DSC3: variants seen among roughly 807,000 people sequenced by gnomAD.
The protein encoded by DSC3 is desmocollin 3, also known as desmocollin-3.
In DSC3, 97 loss-of-function variants were observed where a neutral mutation model predicts 89.5. The observed-to-expected ratio is 1.08, with a 90% confidence interval of 0.92 to 1.28. DSC3 has a LOEUF of 1.28. Among genes scored for constraint, DSC3 ranks in the 50% most tolerant of loss-of-function variants. The pLI is 0.00. For missense variants in DSC3, 1,199 were observed against 1,085.3 expected (o/e 1.10, Z -1.47); for synonymous variants, 436 against 384.1 (o/e 1.14, Z -1.58).
At chr18:31,041,787 C>CG (rs1986140296) in intron 1 of DSC3, among the ~76,000 whole-genome samples, 1 of 152,124 alleles carries the variant, frequency 6.6e-6, no homozygotes, top group Admixed American at 6.5e-5. Flanking sequence ...TCCGTAGACT[C>CG]GAAACCCCAG....
At position 30,990,841 on chromosome 18, in the gene DSC3, T is replaced by C. The variant is rs1984211661; in HGVS notation, c.*3334A>G. The C allele has an allele frequency of 6.6e-6, 1 of 152,232 alleles. No homozygotes were observed. The highest frequency in any genetic ancestry group is 2.4e-5 in the African/African-American group (1 of 41,446). The allele number at this position is 152,232 out of a possible 1,614,324, so 9.4% of individuals were successfully genotyped here. ...CAAAATTTATTATACATATGTATCA[T>C]AGATACTCATCTGTAAAGCTGTGCT... On this transcript the variant is annotated 3_prime_UTR_variant, in exon 16 of 16. Coordinates refer to ENST00000360428, the MANE Select transcript of DSC3 (RefSeq NM_001941.5).
intron 7 of DSC3, among the ~76,000 whole-genome samples, 192 bp downstream of exon 7, chr18:31,022,144 C>T (rs1412944794): frequency 6.6e-6 from 1 of 152,072 alleles, no homozygotes; most frequent in Non-Finnish European, 1.5e-5. Context: ...ATCTGCGTTT[C>T]TAGTCCTTAT....
intron 5 of DSC3, among the ~76,000 whole-genome samples, chr18:31,025,401 C>G (rs1985563273): frequency 6.6e-6 from 1 of 152,002 alleles, no homozygotes. Context: ...CAGGATTCTT[C>G]CAATCAACTG....
chr18:31,038,892 T>C (rs1467913591), intron 1 of DSC3, among the ~76,000 whole-genome samples: 1 of 152,038 alleles, frequency 6.6e-6, no homozygotes, highest in Admixed American at 6.5e-5. Context: ...AATACAACTT[T>C]TGAAAGGGAT....
intron 1 of DSC3, among the ~76,000 whole-genome samples, chr18:31,034,493 C>G (rs1343114234): frequency 6.6e-6 from 1 of 152,112 alleles, no homozygotes; most frequent in African/African-American, 2.4e-5. Flanking sequence ...AAAAGTTAAA[C>G]GTAAACCTAT....
In DSC3 at chr18:30,991,888, G is replaced by T. The variant is rs763142939; in HGVS notation, c.*2287C>A. On this transcript the variant is annotated 3_prime_UTR_variant, in exon 16 of 16. Coordinates refer to ENST00000360428, the MANE Select transcript of DSC3 (RefSeq NM_001941.5). Reference sequence around the variant, plus strand: ...ACGACTTTAAACGGAAAACAAGGCCGGGAGCGGTGGGTCATGCCTGTAATC... The same window carrying T: ...ACGACTTTAAACGGAAAACAAGGCCTGGAGCGGTGGGTCATGCCTGTAATC... The T allele has an allele frequency of 6.6e-6, 1 of 152,176 alleles. No individual in the cohort carries two copies. Among genetic ancestry groups the T allele is most frequent in the African/African-American group, 2.4e-5 (1 of 41,432 alleles). The allele number at this position is 152,176 out of a possible 1,614,324, so 9.4% of individuals were successfully genotyped here.
chr18:31,019,653 C>T (rs567743870), intron 7 of DSC3, among the ~76,000 whole-genome samples: 21 of 152,172 alleles, frequency 1.4e-4, no homozygotes, highest in African/African-American at 5.1e-4. Flanking sequence ...TTTAGCTGGG[C>T]ATGGTGGTAT....
At position 31,031,128 on chromosome 18, in the gene DSC3, T is replaced by G; in HGVS notation, c.199A>C (p.Ser67Arg). 3 of 1,613,638 alleles carry G rather than the reference T, an allele frequency of 1.9e-6. No individual in the cohort carries two copies. Among genetic ancestry groups the G allele is most frequent in the Non-Finnish European group, 2.5e-6 (3 of 1,179,888 alleles). ...CFRSADLIRS[S>R]DPDFRVLNDG... ...TTTAGAACTCTGAAATCAGGATCACTTGACCGGATGAGGTCTGCAGACCTG... is the reference window on the plus strand; with the variant it reads ...TTTAGAACTCTGAAATCAGGATCACGTGACCGGATGAGGTCTGCAGACCTG... Residue 67 changes from serine (S) to arginine (R), a missense_variant, in exon 3 of 16, where the codon AGT (serine) becomes CGT (arginine). By Grantham distance (110) the Ser-to-Arg change is moderately radical. Transcript: ENST00000360428.
chr18:31,003,826 G>C (rs1041976127), intron 13 of DSC3, among the ~76,000 whole-genome samples: 1 of 152,190 alleles, frequency 6.6e-6, no homozygotes, highest in Non-Finnish European at 1.5e-5. Context: ...TCCTAAGGCA[G>C]AAATTTTAGA....
rs762889924 is a variant in DSC3, at chr18:31,022,457, T to C, written c.821A>G (p.Asp274Gly). Reference protein sequence around the residue: ...VVCATDRDEPDTMHTRLKYSI... With the variant: ...VVCATDRDEPGTMHTRLKYSI... ...GTATTTCAGGCGCGTATGCATTGTG[T>C]CCGGTTCATCTCTGTCTGTGGCACA... Residue 274 changes from aspartate to glycine, a missense_variant, in exon 7 of 16, where the codon GAC becomes GGC. Asp to Gly is a moderately conservative substitution (Grantham distance 94, BLOSUM62 -1). Coordinates refer to ENST00000360428, the MANE Select transcript of DSC3 (RefSeq NM_001941.5). 9 of 1,614,056 alleles carry C rather than the reference T, an allele frequency of 5.6e-6. No homozygotes were observed. The highest frequency in any genetic ancestry group is 5.3e-5 in the African/African-American group (4 of 75,020).
Position 31,007,144 on chromosome 18 carries a change from G to T in DSC3, c.1664-13C>A, listed in dbSNP as rs181594891. On this transcript the variant is annotated splice_polypyrimidine_tract_variant and intron_variant, in intron 11 of 15. Coordinates refer to ENST00000360428, the MANE Select transcript of DSC3 (RefSeq NM_001941.5). The stretch of plus-strand genomic sequence containing the variant: ...CATGATCTATCATCTAAGGAGACAG[G>T]AATAAGGTTTAGTGTTATTTTAAAA... The T allele has an allele frequency of 5.7e-6, 9 of 1,587,386 alleles. No homozygotes were observed. Among genetic ancestry groups the T allele is most frequent in the Non-Finnish European group, 7.8e-6 (9 of 1,156,436 alleles).
At chr18:31,042,550 C>T (rs879532066) in intron 1 of DSC3, 42 bp downstream of exon 1, 1 of 1,538,760 alleles carries the variant, frequency 6.5e-7, no homozygotes, top group Non-Finnish European at 8.8e-7. Flanking sequence ...GCGGATCCAC[C>T]CCCGTCCCCA....
At chr18:30,995,996 A>AAAAAAAAAAAAAAAAAAAAAAAGAAAG (rs1555631968) in intron 15 of DSC3, among the ~76,000 whole-genome samples, 2 of 136,410 alleles carry the variant, frequency 1.5e-5, no homozygotes, top group African/African-American at 6.0e-5. Flanking sequence ...AAAAAAAAAA[A>AAAAAAAAAAAAAAAAAAAAAAAGAAAG]AAAGAAAAGA....
At chr18:31,028,761 A>C (rs2144726524) in intron 4 of DSC3, among the ~76,000 whole-genome samples, 1 of 152,250 alleles carries the variant, frequency 6.6e-6, no homozygotes, top group African/African-American at 2.4e-5. Flanking sequence ...AGAAAACTAA[A>C]CCTGATCATG....
At chr18:31,010,833 C>T (rs534614048) in intron 9 of DSC3, among the ~76,000 whole-genome samples, 73 of 152,310 alleles carry the variant, frequency 4.8e-4, no homozygotes, top group African/African-American at 1.7e-3. Flanking sequence ...ACCCAGAACA[C>T]AGCAAAAGCC....
Position 31,004,355 on chromosome 18 carries a change from G to T in DSC3, c.1900C>A (p.Arg634Ser), listed in dbSNP as rs765489929. 7.4e-6 allele frequency: 12 copies of T among 1,613,310 alleles called. No individual in the cohort carries two copies. Among genetic ancestry groups the T allele is most frequent in the East Asian group, 2.2e-5 (1 of 44,862 alleles). ...CCAGCATTTTTCTGATATGAAAGAC[G>T]GGCAGCTGTATCTGAAAGAAAATAA... ...SLTKVNDTAARLSYQKNAGFQ... is the reference protein window; with the variant it reads ...SLTKVNDTAASLSYQKNAGFQ... Residue 634 changes from arginine to serine, a missense_variant, in exon 13 of 16, where the codon CGT becomes AGT. Transcript: ENST00000360428.
intron 4 of DSC3, among the ~76,000 whole-genome samples, chr18:31,028,624 C>G (rs887930486): frequency 5.3e-5 from 8 of 151,986 alleles, no homozygotes; most frequent in African/African-American, 1.9e-4. Context: ...ACAATTAGTA[C>G]ACAGGTTACA....
At position 31,018,211 on chromosome 18, in the gene DSC3, G is replaced by A. The variant is rs771238740; in HGVS notation, c.1123C>T (p.Arg375Ter). ...AAATCCTTATCTTCTATAGGTATTC[G>A]TAAGATTTCCACATTGAATGCATTT... ...EENAFNVEIL[R>*]IPIEDKDLIN... Residue 375 changes from arginine to a stop codon, truncating the protein, a stop_gained, in exon 9 of 16, where the codon CGA becomes TGA. Coordinates refer to ENST00000360428, the MANE Select transcript of DSC3 (RefSeq NM_001941.5). LOFTEE classifies it high-confidence loss of function. The A allele has an allele frequency of 8.7e-6, 14 of 1,611,446 alleles. No homozygotes were observed. Among genetic ancestry groups the A allele is most frequent in the East Asian group, 4.5e-5 (2 of 44,670 alleles).
intron 6 of DSC3, among the ~76,000 whole-genome samples, chr18:31,023,205 T>C (rs1034491554): frequency 6.6e-6 from 1 of 152,156 alleles, no homozygotes; most frequent in South Asian, 2.1e-4. Context: ...CCATTGCTAA[T>C]TAATTAAAGG....
Sources: allele counts gnomAD v4.1 joint callset (sites outside exome capture counted in the v4.1 genomes callset), GRCh38; gene constraint gnomAD v4.1.1; transcripts MANE v1.5; gene names NCBI Gene and HGNC (gene_info 2026-07-23, HGNC 2026-07-21).